Variants in C19orf47 observed in about 807,000 individuals in gnomAD.
C19orf47 encodes the protein uncharacterized protein C19orf47.
In C19orf47, 18 loss-of-function variants were observed where a neutral mutation model predicts 32.3. The observed-to-expected ratio is 0.56, with a 90% CI of 0.39 to 0.83. The LOEUF is 0.83. C19orf47 is among the 40% of genes least tolerant of loss of function. C19orf47 has a pLI of 0.00. For missense variants in C19orf47, 484 were observed against 531.6 expected (o/e 0.91, Z 0.88); for synonymous variants, 202 against 211.1 (o/e 0.96, Z 0.37).
chr19:40,347,118 T>C (rs967338693), intron 1 of C19orf47, among the ~76,000 whole-genome samples: 14 of 152,122 alleles, frequency 9.2e-5, no homozygotes, highest in Admixed American at 2.6e-4. Flanking sequence ...GAATACGTAG[T>C]ATTCCTTTTC....
At chr19:40,327,138 C>CA (rs1205356520) in intron 6 of C19orf47, among the ~76,000 whole-genome samples, 1 of 151,664 alleles carries the variant, frequency 6.6e-6, no homozygotes. Flanking sequence ...CTCAGCCTCC[C>CA]AAGTAGCTGG....
the C19orf47 span, among the ~76,000 whole-genome samples, chr19:40,309,656 T>C: frequency 1.3e-5 from 2 of 151,180 alleles, no homozygotes; most frequent in Non-Finnish European, 2.9e-5. Flanking sequence ...TACAGAGTAC[T>C]TGCTCCTGGG....
chr19:40,318,653 C>T (rs371871792), downstream of C19orf47, among the ~76,000 whole-genome samples: 61 of 152,280 alleles, frequency 4.0e-4, no homozygotes, highest in African/African-American at 1.3e-3. Context: ...CCTGAAGGGG[C>T]GGCCCCTGGA....
intron 1 of C19orf47, among the ~76,000 whole-genome samples, chr19:40,346,309 G>C (rs937067501): frequency 6.7e-6 from 1 of 149,712 alleles, no homozygotes; most frequent in African/African-American, 2.5e-5. Context: ...CAGGCGTGGT[G>C]GTGGGCACCT....
In C19orf47 at chr19:40,321,870, C is replaced by T. The variant is rs1229405135; in HGVS notation, c.*12G>A. Reference sequence around the variant, plus strand: ...CGCAGGCTCTGCTGCCTGCACCCCGCCCACAGGTGGGCTAGAAGGTCCTGC... The same window carrying T: ...CGCAGGCTCTGCTGCCTGCACCCCGTCCACAGGTGGGCTAGAAGGTCCTGC... On this transcript the variant is annotated 3_prime_UTR_variant, in exon 9 of 9. Coordinates refer to ENST00000683109, the MANE Select transcript of C19orf47 (RefSeq NM_001256441.2). The T allele has an allele frequency of 6.4e-7, 1 of 1,557,852 alleles. No individual in the cohort carries two copies. Among genetic ancestry groups the T allele is most frequent in the East Asian group, 2.3e-5 (1 of 43,954 alleles).
At chr19:40,303,839 G>C in the C19orf47 span, among the ~76,000 whole-genome samples, 1 of 143,914 alleles carries the variant, frequency 6.9e-6, no homozygotes, top group Non-Finnish European at 1.5e-5. Context: ...AAGTTCACTG[G>C]AACCCCTAAT....
At chr19:40,344,587 T>A (rs1478018702) in intron 1 of C19orf47, among the ~76,000 whole-genome samples, 2 of 152,122 alleles carry the variant, frequency 1.3e-5, no homozygotes, top group African/African-American at 4.8e-5. Flanking sequence ...GCACTAACTA[T>A]GCATCAGGAC....
At chr19:40,323,310 C>T (rs1230145970) in intron 8 of C19orf47, among the ~76,000 whole-genome samples, 1 of 152,238 alleles carries the variant, frequency 6.6e-6, no homozygotes, top group Non-Finnish European at 1.5e-5. Context: ...CTTAACTCTA[C>T]AGCCATCCTT....
intron 2 of C19orf47, among the ~76,000 whole-genome samples, chr19:40,339,843 T>C (rs1266833708): frequency 6.6e-6 from 1 of 151,804 alleles, no homozygotes; most frequent in Non-Finnish European, 1.5e-5. Flanking sequence ...TGGTGGTGCA[T>C]GCCTGTAATC....
downstream of C19orf47, among the ~76,000 whole-genome samples, chr19:40,317,177 T>C (rs1044968877): frequency 3.9e-5 from 6 of 152,032 alleles, no homozygotes; most frequent in South Asian, 6.2e-4. Context: ...AGTGGTGCGA[T>C]CACAGCTCAC....
At chr19:40,296,807 G>A in the C19orf47 span, among the ~76,000 whole-genome samples, 5 of 151,872 alleles carry the variant, frequency 3.3e-5, no homozygotes, top group Non-Finnish European at 5.9e-5. Flanking sequence ...CCAGCTACTT[G>A]GGAGGCTAAG....
chr19:40,309,371 T>A, the C19orf47 span, among the ~76,000 whole-genome samples: 1 of 152,100 alleles, frequency 6.6e-6, no homozygotes. Flanking sequence ...GTATTTTTAG[T>A]AGGGACGGGG....
chr19:40,335,803 G>T (rs1199396068), intron 4 of C19orf47, among the ~76,000 whole-genome samples: 1 of 152,102 alleles, frequency 6.6e-6, no homozygotes, highest in East Asian at 1.9e-4. Flanking sequence ...TACAGACGGG[G>T]TTTCACCGTG....
At chr19:40,338,461 C>G (rs1460061018) in intron 2 of C19orf47, among the ~76,000 whole-genome samples, 1 of 151,796 alleles carries the variant, frequency 6.6e-6, no homozygotes. Flanking sequence ...TCTCGGCTGA[C>G]TGCAACCTCC....
intron 7 of C19orf47, 114 bp downstream of exon 7, chr19:40,326,220 A>G: frequency 7.0e-7 from 1 of 1,428,460 alleles, no homozygotes; most frequent in Non-Finnish European, 9.4e-7. Flanking sequence ...CGGCTCCTGC[A>G]TCCCCGTTAG....
chr19:40,323,160 TG>T (rs1256468232), intron 8 of C19orf47, among the ~76,000 whole-genome samples: 1 of 152,198 alleles, frequency 6.6e-6, no homozygotes, highest in Non-Finnish European at 1.5e-5. Context: ...ATCCTCCTCA[TG>T]GTAAGATTCT....
intron 2 of C19orf47, among the ~76,000 whole-genome samples, chr19:40,339,856 A>C (rs1453405261): frequency 1.3e-5 from 2 of 151,926 alleles, no homozygotes; most frequent in Non-Finnish European, 2.9e-5. Flanking sequence ...CTGTAATCCC[A>C]GCTACTCAAT....
At chr19:40,341,990 G>C in intron 1 of C19orf47, 100 bp from the exon 2 acceptor site, 17 of 1,521,646 alleles carry the variant, frequency 1.1e-5, no homozygotes, top group African/African-American at 1.4e-5. Context: ...GAATGTTCCT[G>C]GGCTAGGGGC....
At chr19:40,300,115 G>GA in the C19orf47 span, among the ~76,000 whole-genome samples, 1 of 152,066 alleles carries the variant, frequency 6.6e-6, no homozygotes, top group Non-Finnish European at 1.5e-5. Context: ...GATGCTAAAC[G>GA]TTTATATTTA....
Sources: allele counts gnomAD v4.1 joint callset (sites outside exome capture counted in the v4.1 genomes callset), GRCh38; gene constraint gnomAD v4.1.1; transcripts MANE v1.5; gene names NCBI Gene and HGNC (gene_info 2026-07-23, HGNC 2026-07-21).